PTPRG: variants seen among roughly 807,000 people sequenced by gnomAD.
PTPRG encodes protein tyrosine phosphatase receptor type G.
A neutral mutation model predicts 165.3 loss-of-function variants in PTPRG; 102 were observed. The ratio of observed to expected loss-of-function variants is 0.62; its 90% CI spans 0.53 to 0.73. PTPRG has a LOEUF of 0.73. Among genes scored for constraint, PTPRG ranks in the 30% least tolerant of loss-of-function variants. PTPRG has a pLI of 0.00. For missense variants in PTPRG, 1,866 were observed against 1,861.4 expected, an observed-to-expected ratio of 1.00 and a Z score of -0.05; for synonymous variants, 675 against 669.5, an observed-to-expected ratio of 1.01 and a Z score of -0.13.
chr3:61,812,436 A>T (rs2035613240), intron 2 of PTPRG, among the ~76,000 whole-genome samples: 1 of 152,202 alleles, frequency 6.6e-6, no homozygotes, highest in Non-Finnish European at 1.5e-5. Context: ...ACGGGTATGT[A>T]CATTTTTGTG....
chr3:61,994,690 C>T lies in PTPRG; in HGVS notation c.370+4886C>T, dbSNP rs188572029. On this transcript the variant is annotated intron_variant, in intron 3 of 29. Transcript: ENST00000474889. ...AGTAGAGTAGCAACTTAAGAGCACA[C>T]AGAGGCAAGCTAAATAATGAACAAA... Among the ~76,000 whole-genome samples, 557 of 152,274 alleles carry T rather than the reference C, an allele frequency of 3.7e-3. 1 individual carries two copies. The highest frequency in any genetic ancestry group is 5.1e-3 in the Non-Finnish European group (345 of 68,028).
At chr3:62,051,655 T>C (rs1432573431) in intron 4 of PTPRG, among the ~76,000 whole-genome samples, 1 of 152,172 alleles carries the variant, frequency 6.6e-6, no homozygotes, top group Non-Finnish European at 1.5e-5. Context: ...CGTGATAAAA[T>C]TATTCTCCAA....
intron 2 of PTPRG, among the ~76,000 whole-genome samples, chr3:61,952,310 A>G (rs924153684): frequency 3.3e-5 from 5 of 152,056 alleles, no homozygotes; most frequent in African/African-American, 1.2e-4. Flanking sequence ...AAGCAGTGTT[A>G]GGGAACTCTT....
intron 1 of PTPRG, among the ~76,000 whole-genome samples, chr3:61,668,430 A>C (rs534219492): frequency 1.7e-3 from 259 of 152,312 alleles, no homozygotes; most frequent in Non-Finnish European, 3.2e-3. Context: ...TGAAAATAGC[A>C]ATCTTAAACT....
chr3:61,651,355 TG>T (rs1702349262), intron 1 of PTPRG, among the ~76,000 whole-genome samples: 1 of 107,954 alleles, frequency 9.3e-6, no homozygotes. Context: ...TTTGTCCCAT[TG>T]TTAATAATCT....
chr3:62,043,812 G>A (rs1272018683), intron 4 of PTPRG, among the ~76,000 whole-genome samples: 1 of 152,122 alleles, frequency 6.6e-6, no homozygotes, highest in Non-Finnish European at 1.5e-5. Context: ...GTATAATCTA[G>A]TCAATTCGGA....
At chr3:61,912,805 T>C (rs113946418) in intron 2 of PTPRG, among the ~76,000 whole-genome samples, 1 of 152,314 alleles carries the variant, frequency 6.6e-6, no homozygotes, top group South Asian at 2.1e-4. Context: ...TGGTTTGATG[T>C]GGGTATTTTA....
At chr3:62,017,450 C>CT (rs1322367676) in intron 4 of PTPRG, among the ~76,000 whole-genome samples, 4 of 149,624 alleles carry the variant, frequency 2.7e-5, no homozygotes, top group African/African-American at 9.9e-5. Context: ...GAGTCTCGCT[C>CT]TTTCGCCCAG....
chr3:61,965,249 A>AAAG (rs1194479979), intron 2 of PTPRG, among the ~76,000 whole-genome samples: 1 of 151,538 alleles, frequency 6.6e-6, no homozygotes, highest in Non-Finnish European at 1.5e-5. Context: ...TGTCTCAAAA[A>AAAG]AAAAAAAAAA....
intron 23 of PTPRG, among the ~76,000 whole-genome samples, chr3:62,274,549 C>CA (rs1042033141): frequency 2.6e-5 from 4 of 152,096 alleles, no homozygotes; most frequent in Non-Finnish European, 5.9e-5. Flanking sequence ...CTATTTTGCA[C>CA]ATTGTTCTGT....
intron 2 of PTPRG, among the ~76,000 whole-genome samples, chr3:61,877,058 C>A (rs184343346): frequency 3.6e-4 from 54 of 152,100 alleles, no homozygotes; most frequent in Admixed American, 3.2e-3. Context: ...GATTTGAGGT[C>A]TTTGCCTTGT....
At chr3:61,908,841 G>A (rs780059169) in intron 2 of PTPRG, among the ~76,000 whole-genome samples, 5 of 152,184 alleles carry the variant, frequency 3.3e-5, no homozygotes, top group South Asian at 2.1e-4. Flanking sequence ...GGCTTAACAC[G>A]TAAGAGTCTC....
At chr3:61,745,845 A>G (rs1241291480) in intron 1 of PTPRG, among the ~76,000 whole-genome samples, 2 of 152,202 alleles carry the variant, frequency 1.3e-5, no homozygotes, top group African/African-American at 2.4e-5. Context: ...ATTTATGACC[A>G]GGATTTCAAG....
At chr3:62,013,323 A>G (rs1017075777) in intron 4 of PTPRG, among the ~76,000 whole-genome samples, 1 of 152,214 alleles carries the variant, frequency 6.6e-6, no homozygotes, top group African/African-American at 2.4e-5. Context: ...GACCACAATA[A>G]TGGAATTTTG....
At chr3:62,046,065 C>A (rs1318779915) in intron 4 of PTPRG, among the ~76,000 whole-genome samples, 3 of 152,146 alleles carry the variant, frequency 2.0e-5, no homozygotes. Flanking sequence ...CCATTCCCCT[C>A]TCTTGGTTGT....
intron 2 of PTPRG, among the ~76,000 whole-genome samples, chr3:61,956,842 C>T (rs1364296266): frequency 6.6e-6 from 1 of 152,136 alleles, no homozygotes; most frequent in African/African-American, 2.4e-5. Flanking sequence ...AGCTATTTCC[C>T]TCTTTATCCT....
intron 1 of PTPRG, among the ~76,000 whole-genome samples, chr3:61,634,398 C>T (rs879606754): frequency 6.6e-5 from 10 of 151,962 alleles, no homozygotes; most frequent in South Asian, 4.2e-4. Context: ...CCACCACGCC[C>T]GGCTAATTTT....
chr3:61,916,720 G>C (rs191267872), intron 2 of PTPRG, among the ~76,000 whole-genome samples: 72 of 152,226 alleles, frequency 4.7e-4, no homozygotes, highest in Non-Finnish European at 9.1e-4. Flanking sequence ...CCTCATAACA[G>C]TCATGTAGCA....
chr3:61,871,629 T>C (rs1205606962), intron 2 of PTPRG, among the ~76,000 whole-genome samples: 1 of 152,150 alleles, frequency 6.6e-6, no homozygotes, highest in Admixed American at 6.5e-5. Context: ...CTGTAGTAGC[T>C]TCCATGAAAA....
Sources: gnomAD v4.1 joint callset for allele counts (sites outside exome capture counted in the v4.1 genomes callset) on GRCh38, gnomAD v4.1.1 for gene constraint, MANE v1.5 for transcripts, NCBI Gene and HGNC (gene_info 2026-07-23, HGNC 2026-07-21) for gene names.